Variants in MGST2 observed in about 807,000 individuals in gnomAD.
MGST2 encodes glutathione peroxidase MGST2.
In MGST2, 9 loss-of-function variants were observed where a neutral mutation model predicts 16.6. The ratio of observed to expected loss-of-function variants is 0.54; its 90% CI spans 0.33 to 0.95. MGST2 has a LOEUF of 0.95. Ranked by LOEUF, MGST2 falls within the 40% of genes least tolerant of loss-of-function variation. MGST2 has a pLI of 0.03. For synonymous variants in MGST2, 79 were observed against 68.0 expected (o/e 1.16, Z -0.79); for missense variants, 159 against 175.1 (o/e 0.91, Z 0.52).
At chr4:139,748,618 A>C in the MGST2 span, among the ~76,000 whole-genome samples, 12 of 151,814 alleles carry the variant, frequency 7.9e-5, no homozygotes, top group South Asian at 2.1e-4. Flanking sequence ...AGTCCCCCAA[A>C]TCAGGATGAG....
At chr4:139,700,127 CTTTTTT>C (rs56662682) in intron 3 of MGST2, among the ~76,000 whole-genome samples, 5 of 82,970 alleles carry the variant, frequency 6.0e-5, no homozygotes, top group African/African-American at 1.5e-4. Context: ...TTTGGTTTTG[CTTTTTT>C]TTTTTTTTTT....
At chr4:139,676,386 G>A (rs190763282) in intron 1 of MGST2, among the ~76,000 whole-genome samples, 2 of 152,210 alleles carry the variant, frequency 1.3e-5, no homozygotes, top group South Asian at 2.1e-4. Flanking sequence ...ACACACACAC[G>A]GAGAATTATT....
chr4:139,722,678 C>A (rs929032495), intron 5 of MGST2, among the ~76,000 whole-genome samples: 1 of 152,208 alleles, frequency 6.6e-6, no homozygotes, highest in Non-Finnish European at 1.5e-5. Context: ...AGTCATGTAA[C>A]ATTGCCCAGA....
rs544092151 is a variant in MGST2 at position 139,704,168 on chromosome 4, T to A, written c.*20T>A. ...TTCTAACTTTTTCTCTTCCCTTTAATACTTGCAGAAGCTGTTCCCACCATG... is the reference window on the plus strand; with the variant it reads ...TTCTAACTTTTTCTCTTCCCTTTAAAACTTGCAGAAGCTGTTCCCACCATG... On this transcript the variant is annotated 3_prime_UTR_variant, in exon 5 of 5. Transcript: ENST00000265498. 8 of 1,613,780 alleles carry A rather than the reference T, an allele frequency of 5.0e-6. No individual in the cohort carries two copies. Among genetic ancestry groups the A allele is most frequent in the East Asian group, 2.2e-5 (1 of 44,880 alleles).
chr4:139,713,175 A>C (rs1242978846), intron 5 of MGST2, among the ~76,000 whole-genome samples: 2 of 152,202 alleles, frequency 1.3e-5, no homozygotes, highest in Non-Finnish European at 1.5e-5. Flanking sequence ...TTTCCTACCT[A>C]GTTATTTCAC....
At chr4:139,706,176 C>A (rs1014777041), downstream of MGST2, among the ~76,000 whole-genome samples, 35 of 152,092 alleles carry the variant, frequency 2.3e-4, no homozygotes, top group African/African-American at 8.2e-4. Context: ...GTATTAAATA[C>A]CCCAAAGCAC....
chr4:139,745,563 T>C (rs534190230), downstream of MGST2, among the ~76,000 whole-genome samples: 7 of 152,158 alleles, frequency 4.6e-5, no homozygotes, highest in Admixed American at 1.3e-4. Flanking sequence ...CATGTGCAAA[T>C]ATCTGGGGTC....
At chr4:139,674,566 G>T (rs1447394479) in intron 1 of MGST2, among the ~76,000 whole-genome samples, 3 of 151,800 alleles carry the variant, frequency 2.0e-5, no homozygotes, top group Non-Finnish European at 4.4e-5. Flanking sequence ...GATCACTTGA[G>T]GTCAGGAGTT....
intron 1 of MGST2, among the ~76,000 whole-genome samples, chr4:139,676,483 T>C (rs1055821982): frequency 6.6e-6 from 1 of 152,182 alleles, no homozygotes; most frequent in African/African-American, 2.4e-5. Context: ...TGTTACAATC[T>C]GGTGTTGAAG....
At chr4:139,750,079 A>G in the MGST2 span, among the ~76,000 whole-genome samples, 2 of 152,176 alleles carry the variant, frequency 1.3e-5, no homozygotes, top group South Asian at 2.1e-4. Flanking sequence ...GAAACACACA[A>G]GAAACTCTGA....
downstream of MGST2, among the ~76,000 whole-genome samples, chr4:139,707,566 T>C (rs1355718116): frequency 6.6e-6 from 1 of 152,204 alleles, no homozygotes; most frequent in Non-Finnish European, 1.5e-5. Flanking sequence ...TTTGGGTATA[T>C]ACCCAGTAAT....
At chr4:139,716,816 T>G (rs1432607548) in intron 5 of MGST2, 2 of 152,616 alleles carry the variant, frequency 1.3e-5, no homozygotes. Context: ...CAACATCACT[T>G]CATTTCTACA....
chr4:139,695,378 T>C, intron 3 of MGST2, 111 bp downstream of exon 3: 1 of 911,956 alleles, frequency 1.1e-6, no homozygotes, highest in Admixed American at 1.9e-5. Context: ...TCCCAGCACT[T>C]TGGGAGGCCC....
At chr4:139,733,342 G>A (rs1728797814) in intron 5 of MGST2, among the ~76,000 whole-genome samples, 1 of 152,098 alleles carries the variant, frequency 6.6e-6, no homozygotes, top group Non-Finnish European at 1.5e-5. Flanking sequence ...GTCTGGGATG[G>A]CCCTGTTTAT....
chr4:139,733,565 A>C (rs1259302190), intron 5 of MGST2, among the ~76,000 whole-genome samples: 1 of 152,034 alleles, frequency 6.6e-6, no homozygotes, highest in Non-Finnish European at 1.5e-5. Flanking sequence ...GTGAAAAAAA[A>C]AAAAAAAAAA....
chr4:139,753,903 G>A, the MGST2 span, among the ~76,000 whole-genome samples: 1 of 152,176 alleles, frequency 6.6e-6, no homozygotes, highest in African/African-American at 2.4e-5. Flanking sequence ...ATTGTGTAAT[G>A]AGCAAAAGAC....
Position 139,665,903 on chromosome 4 carries a change from A to T in MGST2, c.-117A>T. ...CAAAGGTCATTCAGCCGCTTGAATC[A>T]GCCTTTTCCCCCCACCCGGTCCCCA... is the stretch of plus-strand genomic sequence containing the variant. On this transcript the variant is annotated 5_prime_UTR_variant, in exon 1 of 5. Transcript: ENST00000265498. 1 of 997,152 alleles carries T rather than the reference A, an allele frequency of 1.0e-6. No individual in the cohort carries two copies. Among genetic ancestry groups the T allele is most frequent in the Non-Finnish European group, 1.6e-6 (1 of 635,984 alleles). The allele number at this position is 997,152 out of a possible 1,614,324, so 61.8% of individuals were successfully genotyped here. A position where few individuals can be genotyped will look rare whatever the true frequency, so the allele number is the denominator to read the frequency against.
intron 5 of MGST2, among the ~76,000 whole-genome samples, chr4:139,727,839 C>CA (rs1436873282): frequency 6.6e-6 from 1 of 152,266 alleles, no homozygotes; most frequent in East Asian, 1.9e-4. Flanking sequence ...AATCTGTTTC[C>CA]AAAATCCAAA....
intron 5 of MGST2, among the ~76,000 whole-genome samples, chr4:139,716,386 C>CT (rs1274692618): frequency 6.6e-6 from 1 of 152,058 alleles, no homozygotes; most frequent in African/African-American, 2.4e-5. Flanking sequence ...TCCGATTTTT[C>CT]TTTTTTTGAC....
Sources: gnomAD v4.1 joint callset for allele counts (sites outside exome capture counted in the v4.1 genomes callset) on GRCh38, gnomAD v4.1.1 for gene constraint, MANE v1.5 for transcripts, NCBI Gene and HGNC (gene_info 2026-07-23, HGNC 2026-07-21) for gene names.